The following CTTN variants were observed in gnomAD, a reference collection of about 807,000 sequenced individuals.
CTTN encodes src substrate cortactin.
A neutral mutation model predicts 84.0 loss-of-function variants in CTTN; 28 were observed. That is an observed-to-expected ratio of 0.33 (90% CI 0.25 to 0.46). CTTN has a LOEUF of 0.46. Among genes scored for constraint, CTTN ranks in the 20% least tolerant of loss-of-function variants. The probability of loss-of-function intolerance (pLI) is 1.00; values close to 1 mark genes in which losing one functional copy is unlikely to be tolerated. For synonymous variants in CTTN, 301 were observed against 288.8 expected, an observed-to-expected ratio of 1.04 and a Z score of -0.43; for missense variants, 641 against 723.8, an observed-to-expected ratio of 0.89 and a Z score of 1.31.
chr11:70,435,639 T>G lies in CTTN; in HGVS notation c.*477T>G. 3 of 1,595,238 alleles carry G rather than the reference T, an allele frequency of 1.9e-6. No homozygotes were observed. The highest frequency in any genetic ancestry group is 2.5e-6 in the Non-Finnish European group (3 of 1,178,428). ...GTCTCACTGCTGGGGAGGAGAGGAC[T>G]GGGCCTGATGGAAGTTAACCCGGAG... On this transcript the variant is annotated 3_prime_UTR_variant, in exon 18 of 18. Transcript: ENST00000301843.
chr11:70,422,677 G>A (rs1279624441), intron 11 of CTTN: 16 of 1,404,612 alleles, frequency 1.1e-5, no homozygotes, highest in Non-Finnish European at 1.4e-5. Flanking sequence ...CCTGCTGCCC[G>A]CCGCCCCTCC....
intron 17 of CTTN, among the ~76,000 whole-genome samples, chr11:70,433,921 G>A (rs1451750999): frequency 1.3e-5 from 2 of 152,084 alleles, no homozygotes; most frequent in African/African-American, 4.8e-5. Context: ...GCACACACAC[G>A]CACACACCCC....
At chr11:70,418,436 C>T (rs2058189572) in intron 8 of CTTN, among the ~76,000 whole-genome samples, 1 of 152,270 alleles carries the variant, frequency 6.6e-6, no homozygotes, top group African/African-American at 2.4e-5. Context: ...ACAGGCCGAG[C>T]ACCTGGGCAG....
chr11:70,402,635 C>G (rs2058000202), intron 1 of CTTN, among the ~76,000 whole-genome samples: 1 of 152,192 alleles, frequency 6.6e-6, no homozygotes. Flanking sequence ...GATTTGAGGT[C>G]CCTCCACGCT....
Position 70,435,176 on chromosome 11 carries a change from C to T in CTTN, c.*14C>T, listed in dbSNP as rs112108792. On this transcript the variant is annotated 3_prime_UTR_variant, in exon 18 of 18. Transcript: ENST00000301843. ...CTGCGGCAGTAGGGCCCCCAGCCCC[C>T]CCCCGGAGCTGCGCCCTGGATCCTC... The T allele has an allele frequency of 1.4e-5, 23 of 1,600,260 alleles. No individual in the cohort carries two copies. Among genetic ancestry groups the T allele is most frequent in the East Asian group, 1.1e-4 (5 of 44,740 alleles).
At position 70,435,626 on chromosome 11, in the gene CTTN, G is replaced by C; in HGVS notation, c.*464G>C. On this transcript the variant is annotated 3_prime_UTR_variant, in exon 18 of 18. Coordinates refer to ENST00000301843, the MANE Select transcript of CTTN (RefSeq NM_005231.4). ...GGCTTCCTCTAGAGTCTCACTGCTG[G>C]GGAGGAGAGGACTGGGCCTGATGGA... The C allele has an allele frequency of 6.3e-7, 1 of 1,593,260 alleles. No individual in the cohort carries two copies. Among genetic ancestry groups the C allele is most frequent in the Non-Finnish European group, 8.5e-7 (1 of 1,177,468 alleles).
At chr11:70,420,168 C>T in intron 9 of CTTN, 2 of 598,232 alleles carry the variant, frequency 3.3e-6, no homozygotes, top group South Asian at 4.2e-5. Flanking sequence ...TGGGAGCTTC[C>T]ATGGGGTCCT....
chr11:70,416,932 C>T (rs1003724026), intron 7 of CTTN, 81 bp from the exon 8 acceptor site: 4 of 966,496 alleles, frequency 4.1e-6, no homozygotes, highest in South Asian at 1.3e-5. Context: ...GTAACCCCTA[C>T]ACACTTTTGC....
intron 7 of CTTN, 162 bp downstream of exon 7, chr11:70,415,879 C>T: frequency 1.5e-6 from 1 of 669,172 alleles, no homozygotes; most frequent in East Asian, 2.6e-5. Flanking sequence ...AAGGAGGACT[C>T]TGCCCTCCTC....
chr11:70,423,860 G>A (rs889999690), intron 12 of CTTN, among the ~76,000 whole-genome samples: 1 of 152,212 alleles, frequency 6.6e-6, no homozygotes, highest in Non-Finnish European at 1.5e-5. Flanking sequence ...ACACTGGGGG[G>A]GTCTACTTTG....
In CTTN at chr11:70,436,094, G is replaced by A. The variant is rs2058414740; in HGVS notation, c.*932G>A. On this transcript the variant is annotated 3_prime_UTR_variant, in exon 18 of 18. Transcript: ENST00000301843. ...GAAGGCAGTGCCTGCTCTGCTGTGA[G>A]CCGCCAGGAACCCTCCTCCTGTCAA... The A allele has an allele frequency of 1.4e-6, 2 of 1,426,500 alleles. No homozygotes were observed. The highest frequency in any genetic ancestry group is 1.8e-6 in the Non-Finnish European group (2 of 1,096,138). 88.4% of individuals were successfully genotyped at this position (1,426,500 alleles called of 1,614,324 possible).
chr11:70,434,617 C>G (rs573870031), intron 17 of CTTN, among the ~76,000 whole-genome samples: 4 of 152,402 alleles, frequency 2.6e-5, no homozygotes, highest in African/African-American at 7.2e-5. Context: ...ATTCCCATTT[C>G]AGCCATCACC....
chr11:70,409,786 C>A, intron 4 of CTTN, 45 bp from the exon 5 acceptor site: 1 of 1,599,136 alleles, frequency 6.3e-7, no homozygotes, highest in Non-Finnish European at 8.6e-7. Flanking sequence ...CAAAGCTGCA[C>A]GTCTGTTTTA....
At chr11:70,407,449 T>C (rs1210683288) in intron 3 of CTTN, 65 bp downstream of exon 3, 22 of 1,612,572 alleles carry the variant, frequency 1.4e-5, no homozygotes, top group Non-Finnish European at 1.8e-5. Context: ...GGGTTTTTCT[T>C]TGATGGGGTG....
At chr11:70,408,940 A>T (rs1487410326) in intron 4 of CTTN, among the ~76,000 whole-genome samples, 1 of 151,322 alleles carries the variant, frequency 6.6e-6, no homozygotes, top group Non-Finnish European at 1.5e-5. Flanking sequence ...GCTTCAAAAC[A>T]TGTCTCGGAG....
chr11:70,427,658 T>C (rs2135590598), intron 13 of CTTN, among the ~76,000 whole-genome samples: 1 of 152,394 alleles, frequency 6.6e-6, no homozygotes, highest in African/African-American at 2.4e-5. Flanking sequence ...TCTGGCCCTG[T>C]GAGGGACTCG....
At chr11:70,422,771 G>A in intron 11 of CTTN, 169 bp from the exon 12 acceptor site, 1 of 1,473,528 alleles carries the variant, frequency 6.8e-7, no homozygotes, top group South Asian at 1.3e-5. Context: ...TCACGACCAT[G>A]GGTGGAAGCA....
intron 1 of CTTN, among the ~76,000 whole-genome samples, chr11:70,403,430 G>A (rs1254299985): frequency 4.6e-5 from 7 of 151,880 alleles, no homozygotes; most frequent in Admixed American, 4.6e-4. Context: ...CTAGTAATCC[G>A]CCCGCCTCGG....
intron 1 of CTTN, among the ~76,000 whole-genome samples, chr11:70,401,153 T>A (rs1175376519): frequency 6.6e-6 from 1 of 151,982 alleles, no homozygotes; most frequent in Non-Finnish European, 1.5e-5. Context: ...CTAGGCAACA[T>A]GGGGAAACCC....
Sources: gnomAD v4.1 joint callset for allele counts (sites outside exome capture counted in the v4.1 genomes callset) on GRCh38, gnomAD v4.1.1 for gene constraint, MANE v1.5 for transcripts, NCBI Gene and HGNC (gene_info 2026-07-23, HGNC 2026-07-21) for gene names.